Variants in KIF18A observed in about 807,000 individuals in gnomAD.
KIF18A encodes the protein kinesin family member 18A.
In KIF18A, 67 loss-of-function variants were observed where a neutral mutation model predicts 103.3. The ratio of observed to expected loss-of-function variants is 0.65; its 90% CI spans 0.53 to 0.79. KIF18A has a LOEUF of 0.79. Among genes scored for constraint, KIF18A ranks in the 30% least tolerant of loss-of-function variants. The probability of loss-of-function intolerance (pLI) is 0.00; values close to 1 mark genes in which losing one functional copy is unlikely to be tolerated. For synonymous variants in KIF18A, 367 were observed against 355.5 expected (o/e 1.03, Z -0.36); for missense variants, 1,032 against 1,062.5 (o/e 0.97, Z 0.40).
intron 10 of KIF18A, 49 bp downstream of exon 10, chr11:28,076,955 AGCC>A: frequency 5.9e-6 from 5 of 847,132 alleles, no homozygotes; most frequent in Non-Finnish European, 5.0e-6. Context: ...AAAAAAAAAA[AGCC>A]CCCATGTTTT....
intron 13 of KIF18A, among the ~76,000 whole-genome samples, chr11:28,037,124 G>A (rs557597454): frequency 1.3e-5 from 2 of 151,530 alleles, no homozygotes; most frequent in South Asian, 2.1e-4. Flanking sequence ...GCGGGTACAC[G>A]TACAGGTTTG....
chr11:28,102,946 T>C (rs532233700), intron 1 of KIF18A, among the ~76,000 whole-genome samples: 18 of 152,300 alleles, frequency 1.2e-4, no homozygotes, highest in African/African-American at 4.1e-4. Flanking sequence ...CCATGTTTAA[T>C]ATGAAGCAGC....
chr11:28,055,349 TAATAAGATGGTGAAA>T (rs1396487881), intron 13 of KIF18A, among the ~76,000 whole-genome samples: 12 of 152,176 alleles, frequency 7.9e-5, no homozygotes, highest in African/African-American at 2.9e-4. Flanking sequence ...ACTGGATTAT[TAATAAGATGGTGAAA>T]AATTACAGGT....
At position 28,088,596 on chromosome 11, in the gene KIF18A, A is replaced by T; in HGVS notation, c.825T>A (p.Phe275Leu). The change falls in exon 6 of 17, where the codon TTT (phenylalanine) becomes TTA (leucine). Residue 275 changes from phenylalanine to leucine, a missense_variant. By Grantham distance (22) the Phe-to-Leu change is conservative. Coordinates refer to ENST00000263181, the MANE Select transcript of KIF18A (RefSeq NM_031217.4). ...ATCTATTAATATTTGTGCCTTCTAC[A>T]AATCGGGTCCCCTTAGCACCGGAAG... ...ASTSGAKGTR[F>L]VEGTNINRSL... 6.2e-7 allele frequency: 1 copy of T among 1,614,044 alleles called. No individual in the cohort carries two copies. Among genetic ancestry groups the T allele is most frequent in the South Asian group, 1.1e-5 (1 of 91,072 alleles).
At chr11:28,090,380 TTAC>T (rs982070832) in intron 5 of KIF18A, among the ~76,000 whole-genome samples, 10 of 152,214 alleles carry the variant, frequency 6.6e-5, no homozygotes, top group Middle Eastern at 3.2e-3. Flanking sequence ...AAAACTTTTA[TTAC>T]TACAACTTTA....
At chr11:28,106,197 A>G (rs1402181316) in intron 1 of KIF18A, among the ~76,000 whole-genome samples, 1 of 152,166 alleles carries the variant, frequency 6.6e-6, no homozygotes, top group Non-Finnish European at 1.5e-5. Flanking sequence ...ATAAAACACA[A>G]ACTCCTTAAC....
rs201624190 is a variant in KIF18A at position 28,036,261 on chromosome 11, G to C, written c.2352C>G (p.Pro784=). 54 of 1,606,224 alleles carry C rather than the reference G, an allele frequency of 3.4e-5. No homozygotes were observed. The highest frequency in any genetic ancestry group is 4.6e-5 in the Non-Finnish European group (54 of 1,175,948). Residue 784 remains proline, a synonymous_variant, in exon 14 of 17, where the codon CCC becomes CCG. Transcript: ENST00000263181. ...EDIKSSKCKL[P]EQESLPNDNK... is the part of the protein sequence containing the mutation. ...TATCATTTGGTAGTGATTCTTGTTC[G>C]GGTAATTTACACTTCGAGCTCTTGA... is the stretch of plus-strand genomic sequence containing the variant.
At chr11:28,022,562 C>T (rs550511730) in intron 16 of KIF18A, among the ~76,000 whole-genome samples, 4 of 152,244 alleles carry the variant, frequency 2.6e-5, no homozygotes, top group South Asian at 4.1e-4. Context: ...CCACGGCGCC[C>T]GGCCAATTTG....
chr11:28,107,845 C>A (rs761833459), intron 1 of KIF18A, among the ~76,000 whole-genome samples: 2 of 152,180 alleles, frequency 1.3e-5, no homozygotes, highest in Non-Finnish European at 2.9e-5. Flanking sequence ...GCCCTTCCAG[C>A]TGAGCAGTCG....
rs182165178 is a variant in KIF18A, at chr11:28,057,348, T to C, written c.1948+1578A>G. Among the ~76,000 whole-genome samples the C allele has an allele frequency of 1.9e-3, 296 of 152,180 alleles. 2 individuals are homozygous for C. Among genetic ancestry groups the C allele is most frequent in the African/African-American group, 6.4e-3 (267 of 41,530 alleles). On this transcript the variant is annotated intron_variant, in intron 13 of 16. Coordinates refer to ENST00000263181, the MANE Select transcript of KIF18A (RefSeq NM_031217.4). ...GGCTAACATGGTGAAACTCTGTCTC[T>C]ACTAAAAATGCAAAAAATTAGCCAG...
intron 12 of KIF18A, among the ~76,000 whole-genome samples, chr11:28,059,584 A>G (rs549170232): frequency 6.6e-6 from 1 of 152,126 alleles, no homozygotes; most frequent in Non-Finnish European, 1.5e-5. Context: ...GATGTGTGCC[A>G]CTACACTGAC....
At chr11:28,026,222 T>C (rs987345391) in intron 15 of KIF18A, among the ~76,000 whole-genome samples, 2 of 151,868 alleles carry the variant, frequency 1.3e-5, no homozygotes, top group African/African-American at 4.8e-5. Context: ...GGTTTTGGAA[T>C]ATCCAGTGCT....
intron 1 of KIF18A, among the ~76,000 whole-genome samples, chr11:28,104,339 A>G (rs1289001846): frequency 6.6e-6 from 1 of 152,142 alleles, no homozygotes; most frequent in Non-Finnish European, 1.5e-5. Context: ...CTCTCTGACA[A>G]TGACTTCTAC....
chr11:28,024,315 TA>T (rs1288856181), intron 15 of KIF18A, among the ~76,000 whole-genome samples: 1 of 150,288 alleles, frequency 6.7e-6, no homozygotes, highest in African/African-American at 2.4e-5. Context: ...AGGGTAACAA[TA>T]AAAATCTCTA....
chr11:28,068,509 T>G (rs983253191), intron 11 of KIF18A, among the ~76,000 whole-genome samples: 1 of 150,654 alleles, frequency 6.6e-6, no homozygotes, highest in Non-Finnish European at 1.5e-5. Context: ...CTTTTCAGAG[T>G]GTCTTCTATC....
intron 14 of KIF18A, 78 bp downstream of exon 14, chr11:28,036,139 G>A (rs920434784): frequency 1.1e-6 from 1 of 884,488 alleles, no homozygotes; most frequent in South Asian, 2.1e-5. Context: ...GGCACACTTG[G>A]TTTATGAAAT....
chr11:28,064,357 C>CT (rs1850891211), intron 11 of KIF18A, among the ~76,000 whole-genome samples: 1 of 151,854 alleles, frequency 6.6e-6, no homozygotes, highest in South Asian at 2.1e-4. Flanking sequence ...AATTTAAGAG[C>CT]TGGATCAGAT....
intron 11 of KIF18A, among the ~76,000 whole-genome samples, chr11:28,068,537 CAT>C (rs1423348482): frequency 6.6e-6 from 1 of 150,398 alleles, no homozygotes; most frequent in African/African-American, 2.4e-5. Flanking sequence ...AGCCATGTGA[CAT>C]ATTTCTAGCC....
chr11:28,067,495 T>C (rs960515465), intron 11 of KIF18A, among the ~76,000 whole-genome samples: 1 of 152,128 alleles, frequency 6.6e-6, no homozygotes, highest in African/African-American at 2.4e-5. Flanking sequence ...AGAATAATCA[T>C]TTACAGCCAT....
Sources: gnomAD v4.1 joint callset for allele counts (sites outside exome capture counted in the v4.1 genomes callset) on GRCh38, gnomAD v4.1.1 for gene constraint, MANE v1.5 for transcripts, NCBI Gene and HGNC (gene_info 2026-07-23, HGNC 2026-07-21) for gene names.